Variants in ZNF292 observed in about 807,000 individuals in gnomAD.
The protein encoded by ZNF292 is zinc finger protein 292.
In ZNF292, 26 loss-of-function variants were observed where a neutral mutation model predicts 217.9. That is an observed-to-expected ratio of 0.12 (90% confidence interval 0.09 to 0.17). The LOEUF (loss-of-function observed/expected upper bound fraction) is 0.17, where lower values mean the gene tolerates loss of function less well. ZNF292 is among the 10% of genes least tolerant of loss of function. ZNF292 has a pLI of 1.00. For missense variants in ZNF292, 2,904 were observed against 3,175.2 expected (o/e 0.91, Z 2.05); for synonymous variants, 1,257 against 1,124.1 (o/e 1.12, Z -2.37).
In ZNF292 at chr6:87,251,626, T is replaced by C. The variant is rs115191457; in HGVS notation, c.1021-3024T>C. ...GATTAACTGTTATGAATTAAATAGATTTTTATGGGCAAATCACTTAATTAC... is the reference window on the plus strand; with the variant it reads ...GATTAACTGTTATGAATTAAATAGACTTTTATGGGCAAATCACTTAATTAC... On this transcript the variant is annotated intron_variant, in intron 7 of 7. Coordinates refer to ENST00000369577, the MANE Select transcript of ZNF292 (RefSeq NM_015021.3). Among the ~76,000 whole-genome samples, 331 of 152,336 alleles carry C rather than the reference T, an allele frequency of 2.2e-3. 1 individual carries two copies. The highest frequency in any genetic ancestry group is 7.7e-3 in the African/African-American group (320 of 41,594).
intron 5 of ZNF292, among the ~76,000 whole-genome samples, chr6:87,239,988 G>C (rs931705257): frequency 2.6e-5 from 4 of 152,160 alleles, no homozygotes; most frequent in Admixed American, 2.0e-4. Flanking sequence ...CACTTTGGGA[G>C]GCCAAGGCAG....
intron 4 of ZNF292, among the ~76,000 whole-genome samples, chr6:87,220,790 G>C (rs1414733513): frequency 1.3e-5 from 2 of 152,038 alleles, no homozygotes; most frequent in Non-Finnish European, 2.9e-5. Flanking sequence ...CCTTCATCTT[G>C]TCATAGCCAC....
chr6:87,248,705 T>A (rs1365974605), intron 7 of ZNF292, among the ~76,000 whole-genome samples: 1 of 152,240 alleles, frequency 6.6e-6, no homozygotes, highest in Non-Finnish European at 1.5e-5. Context: ...TAGAAAGAAC[T>A]TGGAACTAGA....
intron 1 of ZNF292, among the ~76,000 whole-genome samples, chr6:87,193,547 AAAAG>A (rs1262468931): frequency 6.6e-6 from 1 of 152,026 alleles, no homozygotes; most frequent in Non-Finnish European, 1.5e-5. Context: ...CCAAAAAAAA[AAAAG>A]AAAAATGCAG....
intron 1 of ZNF292, among the ~76,000 whole-genome samples, chr6:87,160,487 A>ATGTG (rs141208047): frequency 0.026 from 1,988 of 77,856 alleles, 34 homozygotes; most frequent in African/African-American, 0.069. Flanking sequence ...GTGTTTGTAT[A>ATGTG]TATATGTGTG....
In ZNF292 at chr6:87,256,410, T is replaced by G. The variant is rs775192723; in HGVS notation, c.2781T>G (p.Thr927=). Residue 927 remains threonine (T), a synonymous_variant, in exon 8 of 8, where the codon ACT becomes ACG. Transcript: ENST00000369577. The part of the protein sequence containing the change: ...LSNGLENPAT[T]PLLQSSEVAV... ...ATGGTTTGGAAAACCCTGCTACTAC[T>G]CCTCTACTTCAATCCAGTGAAGTAG... The G allele has an allele frequency of 1.4e-5, 22 of 1,607,042 alleles. No homozygotes were observed. The East Asian group carries it at 4.5e-4, about 33-fold the overall frequency.
rs1775310908 is a variant in ZNF292 at position 87,257,743 on chromosome 6, G to A, written c.4114G>A (p.Asp1372Asn). ...KRAKWPAIIRDGKFICSRCYR... is the reference protein window; with the variant it reads ...KRAKWPAIIRNGKFICSRCYR... ...GGCTAAATGGCCTGCAATTATCAGA[G>A]ATGGGAAATTTATCTGTAGCAGGTG... The change falls in exon 8 of 8, where the codon GAT becomes AAT. Residue 1372 changes from aspartate to asparagine, a missense_variant. Around this residue, in one of 15 missense-constraint regions of ZNF292, gnomAD observed 23 missense variants for 51.3 expected, o/e 0.45. Coordinates refer to ENST00000369577, the MANE Select transcript of ZNF292 (RefSeq NM_015021.3). 1 of 1,613,590 alleles carries A rather than the reference G, an allele frequency of 6.2e-7. No homozygotes were observed. The highest frequency in any genetic ancestry group is 1.1e-5 in the South Asian group (1 of 91,064).
chr6:87,169,687 C>T (rs1446252397), intron 1 of ZNF292: 2 of 441,330 alleles, frequency 4.5e-6, no homozygotes, highest in South Asian at 1.6e-5. Context: ...CTCACTGTCA[C>T]CCAGGCTGGA....
chr6:87,237,565 A>G (rs1467294695), intron 5 of ZNF292, among the ~76,000 whole-genome samples: 1 of 152,224 alleles, frequency 6.6e-6, no homozygotes, highest in Admixed American at 6.5e-5. Context: ...AAATGTGATT[A>G]CAGCCAATAC....
At chr6:87,183,795 G>A (rs1771545373) in intron 1 of ZNF292, among the ~76,000 whole-genome samples, 1 of 152,144 alleles carries the variant, frequency 6.6e-6, no homozygotes, top group Non-Finnish European at 1.5e-5. Flanking sequence ...AGTGAAATGT[G>A]TAAATACATA....
At chr6:87,198,938 A>G (rs1772034378) in intron 1 of ZNF292, among the ~76,000 whole-genome samples, 1 of 152,232 alleles carries the variant, frequency 6.6e-6, no homozygotes, top group South Asian at 2.1e-4. Context: ...GCTTGTTCCT[A>G]GTTTTAGGCA....
At position 87,233,407 on chromosome 6, in the gene ZNF292, A is replaced by G; in HGVS notation, c.621A>G (p.Gln207=). 6.2e-7 allele frequency: 1 copy of G among 1,613,660 alleles called. No homozygotes were observed. Among genetic ancestry groups the G allele is most frequent in the Non-Finnish European group, 8.5e-7 (1 of 1,179,700 alleles). The change falls in exon 5 of 8, where the codon CAA becomes CAG. Residue 207 remains glutamine (Q), a synonymous_variant. Coordinates refer to ENST00000369577, the MANE Select transcript of ZNF292 (RefSeq NM_015021.3). ...TAATCAAAACAAATCAGTTAAGTCA[A>G]GCAACTGCTCTAGCAAAGCTGTGTT... ...KHLIKTNQLS[Q]ATALAKLCSD...
chr6:87,258,077 G>C lies in ZNF292; in HGVS notation c.4448G>C (p.Ser1483Thr), dbSNP rs1182949614. The C allele has an allele frequency of 1.2e-6, 2 of 1,613,664 alleles. No individual in the cohort carries two copies. Among genetic ancestry groups the C allele is most frequent in the Non-Finnish European group, 1.7e-6 (2 of 1,179,754 alleles). The change falls in exon 8 of 8, where the codon AGT (serine) becomes ACT (threonine). Residue 1483 changes from serine (S) to threonine (T), a missense_variant. Ser to Thr is a moderately conservative substitution (Grantham distance 58, BLOSUM62 1). This residue lies in a region of ZNF292 where 622 missense variants were observed against 573.1 expected (regional missense o/e 1.09). Coordinates refer to ENST00000369577, the MANE Select transcript of ZNF292 (RefSeq NM_015021.3). Reference sequence around the variant, plus strand: ...GTGACTAACTTTAATACCAGTGTCAGTCAAGAAGGTAGTGAAATTATTAAA... The same window carrying C: ...GTGACTAACTTTAATACCAGTGTCACTCAAGAAGGTAGTGAAATTATTAAA... Reference protein sequence around the residue: ...SGVTNFNTSVSQEGSEIIKQA... With the variant: ...SGVTNFNTSVTQEGSEIIKQA...
chr6:87,159,367 T>A (rs941253908), intron 1 of ZNF292, among the ~76,000 whole-genome samples: 4 of 151,770 alleles, frequency 2.6e-5, no homozygotes, highest in African/African-American at 9.7e-5. Flanking sequence ...AATTTTAAAT[T>A]TTTTTATATA....
chr6:87,237,551 T>C (rs1049346760), intron 5 of ZNF292, among the ~76,000 whole-genome samples: 2 of 152,228 alleles, frequency 1.3e-5, no homozygotes, highest in South Asian at 2.1e-4. Flanking sequence ...TGAAACTGTT[T>C]TTGAAATGTG....
intron 1 of ZNF292, among the ~76,000 whole-genome samples, chr6:87,212,441 A>G (rs188318550): frequency 1.3e-5 from 2 of 152,258 alleles, no homozygotes; most frequent in African/African-American, 4.8e-5. Context: ...TAATCATGGC[A>G]TGGTCTTTGT....
At chr6:87,242,326 A>G (rs1034298262) in intron 5 of ZNF292, among the ~76,000 whole-genome samples, 2 of 151,520 alleles carry the variant, frequency 1.3e-5, no homozygotes, top group South Asian at 4.2e-4. Context: ...TGAACACACG[A>G]TTTTTTTTTC....
intron 1 of ZNF292, among the ~76,000 whole-genome samples, chr6:87,213,365 C>T (rs1313431602): frequency 1.3e-5 from 2 of 152,170 alleles, no homozygotes; most frequent in African/African-American, 2.4e-5. Context: ...AAAGGGTGCT[C>T]CTTGCAGATG....
At position 87,196,686 on chromosome 6, in the gene ZNF292, AC is replaced by A. The variant is rs566904437; in HGVS notation, c.169-19216del. Among the ~76,000 whole-genome samples the A allele has an allele frequency of 1.8e-3, 269 of 152,318 alleles. 1 individual carries two copies. The highest frequency in any genetic ancestry group is 6.2e-3 in the African/African-American group (256 of 41,570). On this transcript the variant is annotated intron_variant, in intron 1 of 7. Transcript: ENST00000369577. ...CAGGTTGTTGGGGACTGTTATTTAT[AC>A]TGTGATGGCTGGTACCTGTGTATTT... is the stretch of plus-strand genomic sequence containing the variant.
Sources: gnomAD v4.1 joint callset for allele counts (sites outside exome capture counted in the v4.1 genomes callset) on GRCh38, gnomAD v4.1.1 for gene constraint, gnomAD v4.1.1 regional missense constraint, MANE v1.5 for transcripts, NCBI Gene and HGNC (gene_info 2026-07-23, HGNC 2026-07-21) for gene names.